Variants in GPC6 observed in about 807,000 individuals in gnomAD.
The protein encoded by GPC6 is glypican 6.
In GPC6, 14 loss-of-function variants were observed where a neutral mutation model predicts 55.2. The observed-to-expected ratio is 0.25, with a 90% CI of 0.17 to 0.40. The LOEUF is 0.40. Among genes scored for constraint, GPC6 ranks in the 10% least tolerant of loss-of-function variants. The pLI is 1.00. For missense variants in GPC6, 641 were observed against 708.5 expected, an observed-to-expected ratio of 0.90 and a Z score of 1.08; for synonymous variants, 278 against 259.6, an observed-to-expected ratio of 1.07 and a Z score of -0.68.
chr13:93,426,149 T>C (rs1877118194), intron 1 of GPC6, among the ~76,000 whole-genome samples: 1 of 152,196 alleles, frequency 6.6e-6, no homozygotes, highest in Admixed American at 6.5e-5. Context: ...CTAGTAGTGA[T>C]GAAAATTATT....
At chr13:94,362,380 A>G (rs1316356928) in intron 6 of GPC6, among the ~76,000 whole-genome samples, 1 of 152,208 alleles carries the variant, frequency 6.6e-6, no homozygotes, top group Non-Finnish European at 1.5e-5. Flanking sequence ...TTTTAGAACT[A>G]TGGCCTTAAC....
intron 2 of GPC6, among the ~76,000 whole-genome samples, chr13:93,651,049 A>C (rs1318564327): frequency 1.3e-5 from 2 of 152,220 alleles, no homozygotes; most frequent in Admixed American, 1.3e-4. Flanking sequence ...CAGTCTGTAC[A>C]TCTAAATATG....
intron 2 of GPC6, among the ~76,000 whole-genome samples, chr13:93,771,244 A>G (rs187947893): frequency 4.5e-4 from 68 of 152,286 alleles, no homozygotes; most frequent in African/African-American, 1.5e-3. Flanking sequence ...ACACAACCCA[A>G]CAAGGCCCAC....
intron 2 of GPC6, among the ~76,000 whole-genome samples, chr13:93,557,133 AAAAAT>A (rs1875523889): frequency 6.6e-6 from 1 of 152,232 alleles, no homozygotes; most frequent in Non-Finnish European, 1.5e-5. Context: ...TAACTTCTGA[AAAAAT>A]AAAATAAATT....
intron 2 of GPC6, among the ~76,000 whole-genome samples, chr13:93,647,443 T>TA (rs1476640779): frequency 6.6e-6 from 1 of 152,100 alleles, no homozygotes; most frequent in African/African-American, 2.4e-5. Context: ...GTGAGAAATA[T>TA]AAAAAATGTA....
At chr13:93,861,489 G>C (rs1047680976) in intron 3 of GPC6, among the ~76,000 whole-genome samples, 6 of 151,142 alleles carry the variant, frequency 4.0e-5, no homozygotes, top group African/African-American at 1.5e-4. Flanking sequence ...CAAATGAGAA[G>C]ACAGCCACTG....
At chr13:93,309,012 G>C (rs1386555594) in intron 1 of GPC6, among the ~76,000 whole-genome samples, 1 of 152,026 alleles carries the variant, frequency 6.6e-6, no homozygotes, top group Non-Finnish European at 1.5e-5. Context: ...TTATTGAGTA[G>C]GTACTTTTTT....
chr13:94,218,768 AC>A (rs1890295881), intron 4 of GPC6, among the ~76,000 whole-genome samples: 2 of 152,114 alleles, frequency 1.3e-5, no homozygotes, highest in African/African-American at 4.8e-5. Context: ...TGGCTCTCAA[AC>A]TTTACTTTGC....
chr13:94,308,174 G>A (rs938454317), intron 6 of GPC6, among the ~76,000 whole-genome samples: 21 of 152,138 alleles, frequency 1.4e-4, no homozygotes, highest in Non-Finnish European at 4.4e-5. Context: ...CAGAGAAGCC[G>A]TTTTCCTTCA....
intron 6 of GPC6, among the ~76,000 whole-genome samples, chr13:94,318,089 G>T (rs888360612): frequency 6.6e-6 from 1 of 152,130 alleles, no homozygotes; most frequent in Non-Finnish European, 1.5e-5. Context: ...GCTCCTAATG[G>T]CACACATGAA....
chr13:93,960,026 A>G (rs1394935435), intron 3 of GPC6, among the ~76,000 whole-genome samples: 2 of 152,112 alleles, frequency 1.3e-5, no homozygotes, highest in Non-Finnish European at 2.9e-5. Context: ...CCTCACCCTC[A>G]GGCACGTTTC....
chr13:93,695,834 A>G (rs1386135000), intron 2 of GPC6, among the ~76,000 whole-genome samples: 1 of 152,050 alleles, frequency 6.6e-6, no homozygotes, highest in East Asian at 1.9e-4. Context: ...TTTCACTTCT[A>G]TTATGCTCTG....
intron 4 of GPC6, among the ~76,000 whole-genome samples, chr13:94,240,504 T>A (rs1021133806): frequency 1.3e-5 from 2 of 152,020 alleles, no homozygotes; most frequent in African/African-American, 4.8e-5. Flanking sequence ...ATTTAAAAAA[T>A]AATGATTGAG....
chr13:93,511,853 G>A (rs1300412964), intron 1 of GPC6, among the ~76,000 whole-genome samples: 2 of 151,850 alleles, frequency 1.3e-5, no homozygotes, highest in Non-Finnish European at 1.5e-5. Flanking sequence ...TTTCACCCAA[G>A]TTTTGTAGTT....
At chr13:93,314,752 T>TGCGCGCGC (rs1381268186) in intron 1 of GPC6, among the ~76,000 whole-genome samples, 1 of 148,384 alleles carries the variant, frequency 6.7e-6, no homozygotes, top group African/African-American at 2.6e-5. Context: ...TGTGTGTGTG[T>TGCGCGCGC]GTGTGCACGC....
intron 4 of GPC6, among the ~76,000 whole-genome samples, chr13:94,081,748 T>C (rs1885102582): frequency 6.6e-6 from 1 of 152,146 alleles, no homozygotes; most frequent in East Asian, 1.9e-4. Flanking sequence ...GTCCAGGCAC[T>C]GTACAGTAAA....
At chr13:93,915,508 G>C (rs1877240519) in intron 3 of GPC6, among the ~76,000 whole-genome samples, 1 of 152,142 alleles carries the variant, frequency 6.6e-6, no homozygotes, top group Admixed American at 6.5e-5. Context: ...TTGAAAAACA[G>C]TGCAATGAAA....
intron 6 of GPC6, among the ~76,000 whole-genome samples, chr13:94,371,409 T>C (rs1213754768): frequency 6.6e-6 from 1 of 152,152 alleles, no homozygotes; most frequent in Admixed American, 6.5e-5. Flanking sequence ...GTAAGCCTAG[T>C]GGTTAAGAGT....
chr13:94,021,381 A>G (rs1478945582), intron 3 of GPC6, among the ~76,000 whole-genome samples: 2 of 152,056 alleles, frequency 1.3e-5, no homozygotes, highest in South Asian at 2.1e-4. Context: ...GCATCCATGC[A>G]TCAATGCTGG....
Sources: gnomAD v4.1 joint callset for allele counts (sites outside exome capture counted in the v4.1 genomes callset) on GRCh38, gnomAD v4.1.1 for gene constraint, MANE v1.5 for transcripts, NCBI Gene and HGNC (gene_info 2026-07-23, HGNC 2026-07-21) for gene names.